PRSS23: variants seen among roughly 807,000 people sequenced by gnomAD.
PRSS23 encodes the protein serine protease 23, also known as protease, serine 23.
A neutral mutation model predicts 34.7 loss-of-function variants in PRSS23; 25 were observed. The observed-to-expected ratio is 0.72, with a 90% CI of 0.53 to 1.01. The LOEUF (loss-of-function observed/expected upper bound fraction) is 1.01, where lower values mean the gene tolerates loss of function less well. Ranked by LOEUF, PRSS23 falls within the 50% of genes least tolerant of loss-of-function variation. The pLI, the probability that PRSS23 is intolerant of heterozygous loss-of-function variation, is 0.00. For synonymous variants in PRSS23, 176 were observed against 186.6 expected (o/e 0.94, Z 0.46); for missense variants, 445 against 475.6 (o/e 0.94, Z 0.60).
chr11:86,887,607 T>C (rs906158027), intron 2 of PRSS23, among the ~76,000 whole-genome samples: 2 of 152,146 alleles, frequency 1.3e-5, no homozygotes, highest in African/African-American at 2.4e-5. Flanking sequence ...AAGAATATTA[T>C]AACTGTCCCA....
In PRSS23 at chr11:86,825,533, T is replaced by C. The variant is rs918353079; in HGVS notation, c.206+1940T>C. On this transcript the variant is annotated intron_variant, in intron 2 of 2. Transcript: ENST00000533902. ...TCTTTTGTTGCCACTGCTTTTGGTGTTTTAGACATGAAGTCCTTGCCCATG... is the reference window on the plus strand; with the variant it reads ...TCTTTTGTTGCCACTGCTTTTGGTGCTTTAGACATGAAGTCCTTGCCCATG... Among the ~76,000 whole-genome samples, 57 of 151,906 alleles carry C rather than the reference T, an allele frequency of 3.8e-4. 1 individual carries two copies. In the East Asian group the frequency reaches 0.01, roughly 27 times the overall value.
In PRSS23 at chr11:86,903,859, T is replaced by C. The variant is rs1335440691; in HGVS notation, c.207-47357T>C. 2.6e-5 allele frequency among the ~76,000 whole-genome samples: 4 copies of C among 152,232 alleles called. No individual in the cohort carries two copies. In the East Asian group the frequency reaches 7.7e-4, roughly 29 times the overall value. On this transcript the variant is annotated intron_variant, in intron 2 of 2. Coordinates refer to the PRSS23 transcript ENST00000533902. ...ACCCCTGGGTAAGTGACTTATTTAT[T>C]CTACCTCCCTCATGATCTTGAAGTG... is the stretch of plus-strand genomic sequence containing the variant.
At chr11:86,934,518 A>G (rs1949148264) in intron 2 of PRSS23, 1 of 151,882 alleles carries the variant, frequency 6.6e-6, no homozygotes. Context: ...TTTGTCTTAC[A>G]TAGGGATAGT....
chr11:86,923,511 T>C (rs901502866), intron 2 of PRSS23, among the ~76,000 whole-genome samples: 3 of 152,214 alleles, frequency 2.0e-5, no homozygotes, highest in Admixed American at 6.5e-5. Context: ...AGGCCACCAA[T>C]TGGCTGAAAG....
intron 2 of PRSS23, among the ~76,000 whole-genome samples, chr11:86,902,829 A>G (rs1948920296): frequency 6.6e-6 from 1 of 152,194 alleles, no homozygotes; most frequent in South Asian, 2.1e-4. Context: ...CTTCTTCCCA[A>G]GGATCAAAGA....
chr11:86,928,711 C>CT (rs60774710), intron 2 of PRSS23, among the ~76,000 whole-genome samples: 29,566 of 57,626 alleles, frequency 0.51, 9,924 homozygotes, highest in Non-Finnish European at 0.61. Flanking sequence ...AAAAAATTGG[C>CT]AAGACATATA....
intron 1 of PRSS23, among the ~76,000 whole-genome samples, chr11:86,805,734 A>T (rs1022378721): frequency 6.6e-6 from 1 of 152,186 alleles, no homozygotes; most frequent in African/African-American, 2.4e-5. Context: ...CAGTGTGGAT[A>T]TTGGGAATGA....
At chr11:86,899,518 CTT>C (rs34686726) in intron 2 of PRSS23, among the ~76,000 whole-genome samples, 27,364 of 143,926 alleles carry the variant, frequency 0.19, 3,062 homozygotes, top group African/African-American at 0.33. Context: ...GACCCCGTTT[CTT>C]TTTTTTTTTT....
At chr11:86,862,008 A>C (rs763726346) in intron 2 of PRSS23, among the ~76,000 whole-genome samples, 39 of 150,056 alleles carry the variant, frequency 2.6e-4, no homozygotes, top group Admixed American at 4.0e-4. Flanking sequence ...ATGATATTAC[A>C]TCCCATATCA....
At chr11:86,821,629 T>G in intron 1 of PRSS23, 1 of 1,596,432 alleles carries the variant, frequency 6.3e-7, no homozygotes, top group Non-Finnish European at 8.6e-7. Context: ...TCCATAACTT[T>G]CATCTTGGCC....
At chr11:86,835,970 G>A (rs747338189) in intron 2 of PRSS23, among the ~76,000 whole-genome samples, 10 of 152,142 alleles carry the variant, frequency 6.6e-5, no homozygotes, top group Non-Finnish European at 1.3e-4. Flanking sequence ...AACCCTTTCG[G>A]TAAAACAGTC....
intron 2 of PRSS23, among the ~76,000 whole-genome samples, chr11:86,866,112 T>C (rs1948647903): frequency 6.6e-6 from 1 of 152,198 alleles, no homozygotes; most frequent in Non-Finnish European, 1.5e-5. Context: ...AGCCTGATCT[T>C]TTTCAATTTT....
chr11:86,850,709 TA>T (rs1358556483), intron 2 of PRSS23, among the ~76,000 whole-genome samples: 1 of 152,188 alleles, frequency 6.6e-6, no homozygotes, highest in East Asian at 1.9e-4. Context: ...CAGTGGATCT[TA>T]TCTATGCTCC....
At chr11:86,879,315 C>T (rs1169389002) in intron 2 of PRSS23, among the ~76,000 whole-genome samples, 3 of 149,730 alleles carry the variant, frequency 2.0e-5, no homozygotes, top group African/African-American at 7.4e-5. Flanking sequence ...CCCAGCCGCC[C>T]CGTCTGAGAA....
intron 2 of PRSS23, among the ~76,000 whole-genome samples, chr11:86,832,272 A>G (rs985961935): frequency 2.0e-5 from 3 of 152,088 alleles, no homozygotes; most frequent in Non-Finnish European, 2.9e-5. Flanking sequence ...CAGGGTAAAT[A>G]TGACTTCTAA....
intron 2 of PRSS23, chr11:86,857,964 G>A: frequency 5.2e-6 from 2 of 381,986 alleles, no homozygotes; most frequent in South Asian, 2.3e-5. Flanking sequence ...TATCGCAGGG[G>A]GTTGTACACG....
chr11:86,934,929 A>G (rs1468567919), intron 2 of PRSS23: 1 of 152,282 alleles, frequency 6.6e-6, no homozygotes, highest in Non-Finnish European at 1.5e-5. Context: ...AGCCACAAGT[A>G]TATTCTAGCT....
chr11:86,840,592 C>T (rs543243813), intron 2 of PRSS23, among the ~76,000 whole-genome samples: 15 of 152,264 alleles, frequency 9.9e-5, no homozygotes, highest in East Asian at 1.9e-4. Context: ...CTTGAACTCA[C>T]CTCTGGAACA....
chr11:86,937,967 G>A (rs892512164), intron 2 of PRSS23: 1 of 152,190 alleles, frequency 6.6e-6, no homozygotes, highest in African/African-American at 2.4e-5. Context: ...CTTATTCCTA[G>A]TGGTGTGAAA....
Sources: gnomAD v4.1 joint callset for allele counts (sites outside exome capture counted in the v4.1 genomes callset) on GRCh38, gnomAD v4.1.1 for gene constraint, MANE v1.5 for transcripts, NCBI Gene and HGNC (gene_info 2026-07-23, HGNC 2026-07-21) for gene names.